CCSER1: variants seen among roughly 807,000 people sequenced by gnomAD.
CCSER1 encodes coiled-coil serine rich protein 1.
A neutral mutation model predicts 82.0 loss-of-function variants in CCSER1; 41 were observed. The ratio of observed to expected loss-of-function variants is 0.50; its 90% CI spans 0.39 to 0.65. The LOEUF (loss-of-function observed/expected upper bound fraction) is 0.65, where lower values mean the gene tolerates loss of function less well. Ranked by LOEUF, CCSER1 falls within the 30% of genes least tolerant of loss-of-function variation. CCSER1 has a pLI of 0.00. For missense variants in CCSER1, 1,119 were observed against 1,064.2 expected, an observed-to-expected ratio of 1.05 and a Z score of -0.72; for synonymous variants, 414 against 383.9, an observed-to-expected ratio of 1.08 and a Z score of -0.92.
At chr4:90,802,877 C>T (rs573820229) in intron 7 of CCSER1, among the ~76,000 whole-genome samples, 241 of 148,112 alleles carry the variant, frequency 1.6e-3, no homozygotes, top group African/African-American at 5.9e-3. Context: ...CTGTCCTTGG[C>T]CATATTCCTT....
intron 10 of CCSER1, among the ~76,000 whole-genome samples, chr4:91,480,904 G>A (rs1367300163): frequency 6.6e-6 from 1 of 152,204 alleles, no homozygotes; most frequent in Non-Finnish European, 1.5e-5. Flanking sequence ...GTTCTACTGG[G>A]AGTACATTTT....
At position 90,237,245 on chromosome 4, in the gene CCSER1, C is replaced by T. The variant is rs145048478; in HGVS notation, c.-41-70999C>T. Among the ~76,000 whole-genome samples the T allele has an allele frequency of 1.1e-4, 17 of 152,162 alleles. No individual in the cohort carries two copies. The East Asian group carries it at 2.1e-3, about 19-fold the overall frequency. ...ACTTAAAATTGTAGAGTAAGAATTTCGAAATTTGTAGGAAGACAAATGGCA... is the reference window on the plus strand; with the variant it reads ...ACTTAAAATTGTAGAGTAAGAATTTTGAAATTTGTAGGAAGACAAATGGCA... On this transcript the variant is annotated intron_variant, in intron 1 of 10. Coordinates refer to ENST00000509176, the MANE Select transcript of CCSER1 (RefSeq NM_001145065.2).
intron 10 of CCSER1, among the ~76,000 whole-genome samples, chr4:91,176,308 C>G (rs1165322961): frequency 1.3e-5 from 2 of 152,120 alleles, no homozygotes; most frequent in African/African-American, 4.8e-5. Context: ...GCAATGTGGT[C>G]TCTTTTTTGG....
chr4:90,550,511 T>C (rs1367388700), intron 5 of CCSER1, among the ~76,000 whole-genome samples: 1 of 152,202 alleles, frequency 6.6e-6, no homozygotes, highest in Non-Finnish European at 1.5e-5. Flanking sequence ...CACAATTTTA[T>C]TTTCTAATCC....
At chr4:90,174,596 A>G (rs1732317749) in intron 1 of CCSER1, among the ~76,000 whole-genome samples, 1 of 152,010 alleles carries the variant, frequency 6.6e-6, no homozygotes, top group Non-Finnish European at 1.5e-5. Flanking sequence ...GCAAGACTAC[A>G]GCAGCAAGAA....
At chr4:90,700,918 T>C (rs1449476883) in intron 6 of CCSER1, among the ~76,000 whole-genome samples, 1 of 152,196 alleles carries the variant, frequency 6.6e-6, no homozygotes, top group Non-Finnish European at 1.5e-5. Flanking sequence ...AAAAATTTTC[T>C]CCCATTCTGT....
intron 7 of CCSER1, among the ~76,000 whole-genome samples, chr4:90,765,149 A>T (rs561359920): frequency 6.6e-6 from 1 of 152,210 alleles, no homozygotes; most frequent in Non-Finnish European, 1.5e-5. Context: ...CACTTAATTA[A>T]CTCTCTGCTA....
At chr4:90,791,950 C>G (rs1245911789) in intron 7 of CCSER1, among the ~76,000 whole-genome samples, 2 of 151,772 alleles carry the variant, frequency 1.3e-5, no homozygotes, top group African/African-American at 4.8e-5. Context: ...CAAAATAAAA[C>G]AGTTTATTGT....
At chr4:91,414,931 TAA>T (rs931557378) in intron 10 of CCSER1, among the ~76,000 whole-genome samples, 17 of 152,128 alleles carry the variant, frequency 1.1e-4, no homozygotes, top group African/African-American at 4.1e-4. Context: ...CCTATGTATA[TAA>T]AGCAAATGTT....
intron 10 of CCSER1, among the ~76,000 whole-genome samples, chr4:91,526,827 A>G (rs962099744): frequency 6.6e-6 from 1 of 151,904 alleles, no homozygotes; most frequent in Non-Finnish European, 1.5e-5. Context: ...TCCTGATGTC[A>G]GGTGATCCAC....
chr4:91,153,372 A>C (rs1361317492), intron 10 of CCSER1, among the ~76,000 whole-genome samples: 1 of 151,876 alleles, frequency 6.6e-6, no homozygotes, highest in Non-Finnish European at 1.5e-5. Context: ...AGGTCATTTA[A>C]GGTCTTCTCT....
intron 10 of CCSER1, among the ~76,000 whole-genome samples, chr4:91,457,839 G>C (rs1399043024): frequency 6.6e-6 from 1 of 152,142 alleles, no homozygotes; most frequent in South Asian, 2.1e-4. Context: ...TGATATTAAA[G>C]AATGGTAACA....
chr4:90,149,695 A>C (rs1726446083), intron 1 of CCSER1, among the ~76,000 whole-genome samples: 1 of 152,184 alleles, frequency 6.6e-6, no homozygotes, highest in Non-Finnish European at 1.5e-5. Context: ...TTCTTTAGGT[A>C]GTGTTTGAAA....
At chr4:91,444,955 G>A (rs1426646145) in intron 10 of CCSER1, among the ~76,000 whole-genome samples, 1 of 152,190 alleles carries the variant, frequency 6.6e-6, no homozygotes, top group Non-Finnish European at 1.5e-5. Context: ...GCTTCAGGAT[G>A]TACTTTGGTA....
At chr4:90,506,043 G>A (rs1225197755) in intron 5 of CCSER1, among the ~76,000 whole-genome samples, 1 of 152,152 alleles carries the variant, frequency 6.6e-6, no homozygotes, top group Non-Finnish European at 1.5e-5. Context: ...TAGGGACAAA[G>A]GGATGTTTTA....
At chr4:91,288,633 GA>G (rs904685685) in intron 10 of CCSER1, among the ~76,000 whole-genome samples, 6 of 151,984 alleles carry the variant, frequency 3.9e-5, no homozygotes, top group African/African-American at 1.4e-4. Context: ...GCTACTGCAA[GA>G]AAGGCACAAA....
intron 8 of CCSER1, among the ~76,000 whole-genome samples, chr4:90,848,711 G>A (rs1057058474): frequency 6.6e-6 from 1 of 152,156 alleles, no homozygotes; most frequent in African/African-American, 2.4e-5. Flanking sequence ...TCACTTTCAA[G>A]TGTAATAATC....
chr4:90,348,728 G>A (rs555779646), intron 3 of CCSER1, among the ~76,000 whole-genome samples: 13 of 152,138 alleles, frequency 8.5e-5, no homozygotes, highest in South Asian at 2.1e-4. Context: ...AAGAAAAAAC[G>A]TAGTGAATTT....
chr4:91,253,707 T>C (rs190970891), intron 10 of CCSER1, among the ~76,000 whole-genome samples: 1 of 152,332 alleles, frequency 6.6e-6, no homozygotes, highest in Non-Finnish European at 1.5e-5. Flanking sequence ...ATTGTTTCAT[T>C]GCTATAAAGA....
Sources: gnomAD v4.1 joint callset for allele counts (sites outside exome capture counted in the v4.1 genomes callset) on GRCh38, gnomAD v4.1.1 for gene constraint, MANE v1.5 for transcripts, NCBI Gene and HGNC (gene_info 2026-07-23, HGNC 2026-07-21) for gene names.